Variants in SAAL1 observed in about 807,000 individuals in gnomAD.
The protein encoded by SAAL1 is protein SAAL1.
A neutral mutation model predicts 59.8 loss-of-function variants in SAAL1; 42 were observed. That is an observed-to-expected ratio of 0.70 (90% CI 0.55 to 0.91). The LOEUF is 0.91. Among genes scored for constraint, SAAL1 ranks in the 40% least tolerant of loss-of-function variants. The pLI, the probability that SAAL1 is intolerant of heterozygous loss-of-function variation, is 0.00. For synonymous variants in SAAL1, 191 were observed against 194.3 expected (o/e 0.98, Z 0.14); for missense variants, 542 against 561.1 (o/e 0.97, Z 0.34).
At chr11:18,085,397 A>G (rs1365541976) in intron 9 of SAAL1, among the ~76,000 whole-genome samples, 1 of 151,848 alleles carries the variant, frequency 6.6e-6, no homozygotes, top group Non-Finnish European at 1.5e-5. Context: ...AATCAGTGGA[A>G]GAAAATATGT....
chr11:18,098,215 T>TCCAAGA lies in SAAL1; in HGVS notation c.250-1362_250-1361insTCTTGG, dbSNP rs1318938906. Among the ~76,000 whole-genome samples the TCCAAGA allele has an allele frequency of 1.7e-3, 261 of 152,326 alleles. 3 individuals carry two copies. Among genetic ancestry groups the TCCAAGA allele is most frequent in the Non-Finnish European group, 1.7e-3 (114 of 68,022 alleles). On this transcript the variant is annotated intron_variant, in intron 2 of 11. Coordinates refer to ENST00000524803, the MANE Select transcript of SAAL1 (RefSeq NM_138421.3). The stretch of plus-strand genomic sequence containing the variant: ...ACGGTAGGGGAAAGAAGTCAAGAAC[T>TCCAAGA]GCTATTGGGTCCTGTCCAAAACCAG...
chr11:18,105,919 G>C lies in SAAL1; in HGVS notation c.123C>G (p.Ser41Arg), dbSNP rs1469795774. 4 of 1,602,164 alleles carry C rather than the reference G, an allele frequency of 2.5e-6. 1 individual carries two copies. In the South Asian group the frequency reaches 4.5e-5, roughly 18 times the overall value. Residue 41 changes from serine (S) to arginine (R), a missense_variant, in exon 1 of 12, where the codon AGC becomes AGG. By Grantham distance (110) the Ser-to-Arg change is moderately radical. Transcript: ENST00000524803. ...YSKHWLFGVL[S>R]GLIQIVSPEN... Reference sequence around the variant, plus strand: ...CGAGTTTCCACACCTGGATGAGTCCGCTGAGGACGCCGAAGAGCCAGTGTT... The same window carrying C: ...CGAGTTTCCACACCTGGATGAGTCCCCTGAGGACGCCGAAGAGCCAGTGTT...
Position 18,096,761 on chromosome 11 carries a change from A to G in SAAL1, c.333+10T>C. Reference sequence around the variant, plus strand: ...TCAAAGAAGAAGGCTTTAGAAATGTACATACTTACTCTTAATCGAGGACAC... The same window carrying G: ...TCAAAGAAGAAGGCTTTAGAAATGTGCATACTTACTCTTAATCGAGGACAC... On this transcript the variant is annotated intron_variant, in intron 3 of 11. Transcript: ENST00000524803. 1 of 1,341,100 alleles carries G rather than the reference A, an allele frequency of 7.5e-7. No homozygotes were observed. The highest frequency in any genetic ancestry group is 1.1e-6 in the Non-Finnish European group (1 of 931,892). 83.1% of individuals were successfully genotyped at this position (1,341,100 alleles called of 1,614,324 possible).
intron 2 of SAAL1, among the ~76,000 whole-genome samples, chr11:18,100,126 ATTTG>A (rs1358623367): frequency 6.6e-6 from 1 of 152,230 alleles, no homozygotes; most frequent in African/African-American, 2.4e-5. Flanking sequence ...TTTTAAAAAA[ATTTG>A]TTTAACCATA....
rs1248929289 is a variant in SAAL1, at chr11:18,087,155, T to C, written c.841A>G (p.Ile281Val). The C allele has an allele frequency of 1.2e-6, 2 of 1,612,738 alleles. No individual in the cohort carries two copies. ...LQLLTTVDDG[I>V]QAIVHCPDTG... ...TAAACCACCTTACCAATTGCTTGAA[T>C]TCCATCATCCACTGTAGTAAGCAGT... The change falls in exon 8 of 12, where the codon ATT becomes GTT. Residue 281 changes from isoleucine (I) to valine (V), a missense_variant. Ile to Val is a conservative substitution (Grantham distance 29). Coordinates refer to ENST00000524803, the MANE Select transcript of SAAL1 (RefSeq NM_138421.3).
At chr11:18,093,491 T>C (rs963324621) in intron 3 of SAAL1, among the ~76,000 whole-genome samples, 1 of 152,062 alleles carries the variant, frequency 6.6e-6, no homozygotes, top group African/African-American at 2.4e-5. Context: ...GACTAGTGTA[T>C]AGGGAAAAGA....
Position 18,083,649 on chromosome 11 carries a change from C to T in SAAL1, c.1125G>A (p.Glu375=). 1 of 1,611,710 alleles carries T rather than the reference C, an allele frequency of 6.2e-7. No individual in the cohort carries two copies. Among genetic ancestry groups the T allele is most frequent in the South Asian group, 1.1e-5 (1 of 90,852 alleles). ...TCCTTTTAGTTTCCTCTGTGTTAGA[C>T]TCTGCCGAGTTCTCTGGTTTTTTCT... The part of the protein sequence containing the change: ...QCQKKPENSA[E]SNTEETKRTD... The change falls in exon 10 of 12, where the codon GAG becomes GAA. Residue 375 remains glutamate (E), a synonymous_variant. Transcript: ENST00000524803.
Position 18,090,156 on chromosome 11 carries a change from A to G in SAAL1, c.589+19T>C, listed in dbSNP as rs1564870878. On this transcript the variant is annotated intron_variant, in intron 6 of 11. Coordinates refer to ENST00000524803, the MANE Select transcript of SAAL1 (RefSeq NM_138421.3). ...ATACAATTTAAAACATTTTTTTTCT[A>G]GAGTACATGATGACTTACCATTTGT... The G allele has an allele frequency of 1.3e-6, 2 of 1,520,876 alleles. No homozygotes were observed. Among genetic ancestry groups the G allele is most frequent in the Non-Finnish European group, 1.8e-6 (2 of 1,131,262 alleles). The allele number at this position is 1,520,876 out of a possible 1,614,324, so 94.2% of individuals were successfully genotyped here. A position where few individuals can be genotyped will look rare whatever the true frequency, so the allele number is the denominator to read the frequency against.
chr11:18,096,727 C>T, intron 3 of SAAL1, 44 bp downstream of exon 3: 1 of 987,722 alleles, frequency 1.0e-6, no homozygotes, highest in East Asian at 2.4e-5. Context: ...ACTATCTGTT[C>T]TTATTGCTTC....
At chr11:18,094,505 T>C (rs1410549469) in intron 3 of SAAL1, among the ~76,000 whole-genome samples, 1 of 152,064 alleles carries the variant, frequency 6.6e-6, no homozygotes, top group Non-Finnish European at 1.5e-5. Flanking sequence ...AGATGTGACA[T>C]CAGTTATCAG....
At chr11:18,099,527 C>T (rs1462164972) in intron 2 of SAAL1, among the ~76,000 whole-genome samples, 1 of 152,072 alleles carries the variant, frequency 6.6e-6, no homozygotes, top group Non-Finnish European at 1.5e-5. Flanking sequence ...TGCTAGAAAC[C>T]AAGATAAAGC....
intron 7 of SAAL1, 146 bp downstream of exon 7, chr11:18,089,184 T>A (rs1451521771): frequency 1.6e-6 from 1 of 624,064 alleles, no homozygotes; most frequent in African/African-American, 1.9e-5. Flanking sequence ...ACAGGTTGCA[T>A]CACAAATAGT....
At chr11:18,094,308 T>C (rs150345659) in intron 3 of SAAL1, among the ~76,000 whole-genome samples, 29 of 152,284 alleles carry the variant, frequency 1.9e-4, no homozygotes, top group African/African-American at 6.5e-4. Flanking sequence ...GAAAATACAG[T>C]GTCCTCAAGA....
In SAAL1 at chr11:18,089,466, CAA is replaced by C. The variant is rs771355649; in HGVS notation, c.632_633del (p.Phe211Ter). 2.2e-5 allele frequency: 36 copies of C among 1,612,594 alleles called. No individual in the cohort carries two copies. Among genetic ancestry groups the C allele is most frequent in the Non-Finnish European group, 3.0e-5 (35 of 1,179,552 alleles). On this transcript the variant is annotated frameshift_variant, in exon 7 of 12. Transcript: ENST00000524803. LOFTEE classifies it high-confidence loss of function. The stretch of plus-strand genomic sequence containing the variant: ...TCTAACATTAGTTTCTCATCCAAAT[CAA>C]AGAGCTTGTCCACAACCTCCCCCAC... The part of the protein sequence containing the change: ...VKVGEVVDKL[F>X]DLDEKLMLEW...
intron 4 of SAAL1, 29 bp downstream of exon 4, chr11:18,092,216 A>T (rs1848529932): frequency 1.7e-6 from 2 of 1,176,368 alleles, no homozygotes; most frequent in African/African-American, 1.6e-5. Flanking sequence ...TGAATATATT[A>T]AAAAACATAA....
chr11:18,086,552 T>C (rs1456899625), intron 9 of SAAL1, among the ~76,000 whole-genome samples: 1 of 151,696 alleles, frequency 6.6e-6, no homozygotes, highest in Non-Finnish European at 1.5e-5. Flanking sequence ...AATACAAAAA[T>C]TAGCTGGGCA....
In SAAL1 at chr11:18,083,684, C is replaced by A. The variant is rs928646496; in HGVS notation, c.1090G>T (p.Glu364Ter). Residue 364 changes from glutamate (E) to a stop codon, truncating the protein, a stop_gained, in exon 10 of 12, where the codon GAA (glutamate) becomes TAA (stop). Coordinates refer to ENST00000524803, the MANE Select transcript of SAAL1 (RefSeq NM_138421.3). LOFTEE classifies it high-confidence loss of function. The part of the protein sequence containing the change: ...DSLIRVLQNM[E>*]QCQKKPENSA... ...TTCTCTGGTTTTTTCTGACACTGTT[C>A]CATATTTTGTAAGACCCGAATGAGG... 2 of 1,610,922 alleles carry A rather than the reference C, an allele frequency of 1.2e-6. No homozygotes were observed. Among genetic ancestry groups the A allele is most frequent in the African/African-American group, 1.3e-5 (1 of 74,828 alleles).
At chr11:18,090,790 T>C (rs757901902) in intron 4 of SAAL1, 2 of 233,294 alleles carry the variant, frequency 8.6e-6, no homozygotes, top group Non-Finnish European at 1.6e-5. Flanking sequence ...TACTTTGCAC[T>C]ATAGTTTTAT....
At chr11:18,105,180 G>GT (rs1474090569) in intron 1 of SAAL1, among the ~76,000 whole-genome samples, 1 of 151,712 alleles carries the variant, frequency 6.6e-6, no homozygotes, top group Admixed American at 6.6e-5. Flanking sequence ...TGCGTTTTTT[G>GT]TTTTTTTGAG....
Sources: gnomAD v4.1 joint callset for allele counts (sites outside exome capture counted in the v4.1 genomes callset) on GRCh38, gnomAD v4.1.1 for gene constraint, MANE v1.5 for transcripts, NCBI Gene and HGNC (gene_info 2026-07-23, HGNC 2026-07-21) for gene names.